Variants in EPHA5 observed in about 807,000 individuals in gnomAD.
EPHA5 encodes the protein EPH receptor A5.
Under a neutral mutation model 105.0 loss-of-function variants are expected in EPHA5, and 60 were observed. The observed-to-expected ratio is 0.57, with a 90% confidence interval of 0.46 to 0.71. The LOEUF is 0.71. Ranked by LOEUF, EPHA5 falls within the 30% of genes least tolerant of loss-of-function variation. The pLI, the probability that EPHA5 is intolerant of heterozygous loss-of-function variation, is 0.00. For missense variants in EPHA5, 1,218 were observed against 1,274.7 expected, an observed-to-expected ratio of 0.96 and a Z score of 0.68; for synonymous variants, 513 against 449.1, an observed-to-expected ratio of 1.14 and a Z score of -1.80.
intron 3 of EPHA5, among the ~76,000 whole-genome samples, chr4:65,548,119 A>T (rs1275318835): frequency 6.7e-6 from 1 of 149,670 alleles, no homozygotes; most frequent in African/African-American, 2.5e-5. Flanking sequence ...ATATCAACTG[A>T]TCTCTATGAC....
intron 7 of EPHA5, among the ~76,000 whole-genome samples, chr4:65,408,343 G>T (rs1184630907): frequency 6.6e-6 from 1 of 151,986 alleles, no homozygotes; most frequent in African/African-American, 2.4e-5. Flanking sequence ...ATTTTCTTAT[G>T]TTTAAGAAAA....
At chr4:65,376,785 G>A (rs541601618) in intron 8 of EPHA5, among the ~76,000 whole-genome samples, 1 of 152,072 alleles carries the variant, frequency 6.6e-6, no homozygotes, top group East Asian at 1.9e-4. Flanking sequence ...AAAAGCCTCA[G>A]AAGAGACGTA....
chr4:65,591,544 A>C (rs1487666076), intron 3 of EPHA5, among the ~76,000 whole-genome samples: 3 of 151,850 alleles, frequency 2.0e-5, no homozygotes, highest in Non-Finnish European at 4.4e-5. Context: ...TCACTCATAT[A>C]TTTATTTCAT....
Position 65,415,837 on chromosome 4 carries a change from G to C in EPHA5, c.1528-1394C>G, listed in dbSNP as rs537502240. Among the ~76,000 whole-genome samples, 9 of 152,032 alleles carry C rather than the reference G, an allele frequency of 5.9e-5. No homozygotes were observed. The East Asian group carries it at 1.7e-3, about 29-fold the overall frequency. On this transcript the variant is annotated intron_variant, in intron 6 of 16. Coordinates refer to ENST00000613740, the MANE Select transcript of EPHA5 (RefSeq NM_001281766.3). ...CTCTATTACCCCTTCTGTATGCTAGGATCATAGCAGTAAAAAGCAAATAAT... is the reference window on the plus strand; with the variant it reads ...CTCTATTACCCCTTCTGTATGCTAGCATCATAGCAGTAAAAAGCAAATAAT...
chr4:65,525,982 C>T (rs1284122093), intron 3 of EPHA5, among the ~76,000 whole-genome samples: 1 of 151,628 alleles, frequency 6.6e-6, no homozygotes. Flanking sequence ...ATTACACTCT[C>T]TGAATAACAG....
intron 14 of EPHA5, among the ~76,000 whole-genome samples, chr4:65,345,939 A>AT (rs1722180654): frequency 6.6e-6 from 1 of 151,752 alleles, no homozygotes; most frequent in African/African-American, 2.4e-5. Context: ...CGCCCGGCTA[A>AT]TTTTTTGTAT....
chr4:65,337,999 G>A (rs1256609468), intron 14 of EPHA5, among the ~76,000 whole-genome samples: 1 of 151,690 alleles, frequency 6.6e-6, no homozygotes. Flanking sequence ...GCAAACTCCA[G>A]GAGAAAATGT....
chr4:65,634,240 A>C (rs527702817), intron 2 of EPHA5, among the ~76,000 whole-genome samples: 3 of 152,254 alleles, frequency 2.0e-5, no homozygotes, highest in African/African-American at 7.2e-5. Context: ...AAATATTGGC[A>C]TTAATTTATA....
chr4:65,487,985 T>A (rs1234214436), intron 5 of EPHA5, among the ~76,000 whole-genome samples: 1 of 152,186 alleles, frequency 6.6e-6, no homozygotes, highest in Non-Finnish European at 1.5e-5. Flanking sequence ...CTGAGAAGAA[T>A]CTTATTTTGA....
At chr4:65,586,243 C>T (rs988171179) in intron 3 of EPHA5, among the ~76,000 whole-genome samples, 14 of 151,492 alleles carry the variant, frequency 9.2e-5, no homozygotes, top group East Asian at 1.9e-4. Flanking sequence ...ACTTCAAAAT[C>T]GTCATATATT....
intron 5 of EPHA5, among the ~76,000 whole-genome samples, chr4:65,440,655 T>A (rs554855660): frequency 1.3e-5 from 2 of 152,102 alleles, no homozygotes; most frequent in Non-Finnish European, 2.9e-5. Flanking sequence ...CTAGTAATCA[T>A]AAGCAATTCA....
intron 3 of EPHA5, among the ~76,000 whole-genome samples, chr4:65,517,407 A>T (rs1014032382): frequency 2.0e-5 from 3 of 151,790 alleles, no homozygotes; most frequent in Non-Finnish European, 4.4e-5. Flanking sequence ...ATTTATTCAG[A>T]ATATTCATTT....
intron 2 of EPHA5, among the ~76,000 whole-genome samples, chr4:65,608,005 C>G (rs900309749): frequency 2.6e-5 from 4 of 152,108 alleles, no homozygotes; most frequent in African/African-American, 9.7e-5. Context: ...TGCAGCCATA[C>G]TAAACGATGA....
chr4:65,525,600 A>G lies in EPHA5; in HGVS notation c.911-30057T>C, dbSNP rs571220125. Among the ~76,000 whole-genome samples, 6 of 151,998 alleles carry G rather than the reference A, an allele frequency of 3.9e-5. No individual in the cohort carries two copies. The East Asian group carries it at 1.2e-3, about 29-fold the overall frequency. On this transcript the variant is annotated intron_variant, in intron 3 of 16. Coordinates refer to ENST00000613740, the MANE Select transcript of EPHA5 (RefSeq NM_001281766.3). ...ATTTACTAGACTCAAAAGAGCAGTGATTTCTGCCTTAAAGTGTTCACATTT... is the reference window on the plus strand; with the variant it reads ...ATTTACTAGACTCAAAAGAGCAGTGGTTTCTGCCTTAAAGTGTTCACATTT...
rs140815390 is a variant in EPHA5 at position 65,617,192 on chromosome 4, C to T, written c.247-14888G>A. On this transcript the variant is annotated intron_variant, in intron 2 of 16. Coordinates refer to ENST00000613740, the MANE Select transcript of EPHA5 (RefSeq NM_001281766.3). ...GTGGTCATTTAGTGAAATACCATAT[C>T]ATATTATCTTAAATCCTGTTTACTC... 1.1e-4 allele frequency among the ~76,000 whole-genome samples: 17 copies of T among 152,116 alleles called. No homozygotes were observed. In the East Asian group the frequency reaches 3.3e-3, roughly 29 times the overall value.
intron 12 of EPHA5, 41 bp downstream of exon 12, chr4:65,353,001 T>G: frequency 7.4e-7 from 1 of 1,349,148 alleles, no homozygotes; most frequent in Non-Finnish European, 1.0e-6. Flanking sequence ...TCACAATATA[T>G]AAATAACACC....
intron 14 of EPHA5, among the ~76,000 whole-genome samples, chr4:65,337,895 A>G (rs189653549): frequency 7.4e-4 from 113 of 152,254 alleles, no homozygotes; most frequent in Middle Eastern, 3.4e-3. Flanking sequence ...CCAAAATTAA[A>G]TGGTCAGATA....
At chr4:65,514,386 G>C (rs1733905274) in intron 3 of EPHA5, among the ~76,000 whole-genome samples, 1 of 152,134 alleles carries the variant, frequency 6.6e-6, no homozygotes, top group South Asian at 2.1e-4. Context: ...TAAATTCCTT[G>C]TGACTTGTTC....
At chr4:65,415,289 G>C (rs1450472285) in intron 6 of EPHA5, among the ~76,000 whole-genome samples, 1 of 152,112 alleles carries the variant, frequency 6.6e-6, no homozygotes, top group African/African-American at 2.4e-5. Flanking sequence ...GTAAAACTGG[G>C]TAGAGACTTG....
Sources: gnomAD v4.1 joint callset for allele counts (sites outside exome capture counted in the v4.1 genomes callset) on GRCh38, gnomAD v4.1.1 for gene constraint, MANE v1.5 for transcripts, NCBI Gene and HGNC (gene_info 2026-07-23, HGNC 2026-07-21) for gene names.